Variants in SEMA5A observed in about 807,000 individuals in gnomAD.
The protein encoded by SEMA5A is semaphorin 5A.
Under a neutral mutation model 135.5 loss-of-function variants are expected in SEMA5A, and 55 were observed. The observed-to-expected ratio is 0.41, with a 90% CI of 0.33 to 0.51. SEMA5A has a LOEUF of 0.51. Among genes scored for constraint, SEMA5A ranks in the 20% least tolerant of loss-of-function variants. The pLI is 0.37. For missense variants in SEMA5A, 1,290 were observed against 1,419.9 expected, an observed-to-expected ratio of 0.91 and a Z score of 1.47; for synonymous variants, 580 against 546.5, an observed-to-expected ratio of 1.06 and a Z score of -0.85.
chr5:9,519,382 C>T (rs1021031598), intron 1 of SEMA5A, among the ~76,000 whole-genome samples: 2 of 152,212 alleles, frequency 1.3e-5, no homozygotes, highest in African/African-American at 4.8e-5. Context: ...ATGGCATCAA[C>T]AGCGAAGTAT....
At chr5:9,266,657 T>C (rs965061355) in intron 5 of SEMA5A, among the ~76,000 whole-genome samples, 2 of 152,224 alleles carry the variant, frequency 1.3e-5, no homozygotes, top group Non-Finnish European at 2.9e-5. Context: ...ATTATAACTA[T>C]TCTCTTTTGA....
At chr5:9,123,485 G>T (rs1482637167) in intron 13 of SEMA5A, among the ~76,000 whole-genome samples, 3 of 151,478 alleles carry the variant, frequency 2.0e-5, no homozygotes, top group Non-Finnish European at 4.4e-5. Flanking sequence ...GGAGAAGAAT[G>T]ATGGGAGGAG....
At position 9,298,359 on chromosome 5, in the gene SEMA5A, C is replaced by A. The variant is rs577162353; in HGVS notation, c.270+20013G>T. 8.5e-5 allele frequency among the ~76,000 whole-genome samples: 13 copies of A among 152,258 alleles called. No individual in the cohort carries two copies. In the East Asian group the frequency reaches 2.5e-3, roughly 29 times the overall value. ...AGCTAACGAGGTGAGGAAGAAGACTCCCCTAGAGCCTTAGGGAAGAATATG... is the reference window on the plus strand; with the variant it reads ...AGCTAACGAGGTGAGGAAGAAGACTACCCTAGAGCCTTAGGGAAGAATATG... On this transcript the variant is annotated intron_variant, in intron 5 of 22. Transcript: ENST00000382496.
At position 9,289,498 on chromosome 5, in the gene SEMA5A, T is replaced by C. The variant is rs192409528; in HGVS notation, c.270+28874A>G. ...GGCTGACACGGTGAAACCCCGTCTC[T>C]ACAAAAAATACAAAAAATTAGCCAG... On this transcript the variant is annotated intron_variant, in intron 5 of 22. Coordinates refer to ENST00000382496, the MANE Select transcript of SEMA5A (RefSeq NM_003966.3). Among the ~76,000 whole-genome samples the C allele has an allele frequency of 1.3e-4, 20 of 151,828 alleles. No homozygotes were observed. In the East Asian group the frequency reaches 3.9e-3, roughly 29 times the overall value.
intron 11 of SEMA5A, among the ~76,000 whole-genome samples, chr5:9,180,357 T>G (rs1238185830): frequency 6.6e-6 from 1 of 152,164 alleles, no homozygotes; most frequent in Non-Finnish European, 1.5e-5. Flanking sequence ...AAAAATTCAT[T>G]AAATGTTATC....
chr5:9,355,725 C>T (rs1050934146), intron 3 of SEMA5A, among the ~76,000 whole-genome samples: 8 of 152,026 alleles, frequency 5.3e-5, no homozygotes, highest in Non-Finnish European at 1.0e-4. Flanking sequence ...TCATTTAATA[C>T]GGTGCTAGAG....
At chr5:9,426,241 C>T (rs1344173473) in intron 2 of SEMA5A, among the ~76,000 whole-genome samples, 2 of 151,520 alleles carry the variant, frequency 1.3e-5, no homozygotes, top group African/African-American at 2.4e-5. Context: ...ATCAAGACCA[C>T]GGTGAAACCC....
chr5:9,165,972 A>G (rs1356930520), intron 11 of SEMA5A, among the ~76,000 whole-genome samples: 2 of 152,148 alleles, frequency 1.3e-5, no homozygotes, highest in Admixed American at 1.3e-4. Flanking sequence ...TTCAGAGAAG[A>G]AAAAAAGGTC....
Position 9,150,877 on chromosome 5 carries a change from G to T in SEMA5A, c.1481+3611C>A, listed in dbSNP as rs868755289. ...GGGTACTGACCAGCTCTGCCTCTCA[G>T]TTTCACACATGAAGAGTGCAATCCA... On this transcript the variant is annotated intron_variant, in intron 12 of 22. Coordinates refer to ENST00000382496, the MANE Select transcript of SEMA5A (RefSeq NM_003966.3). 5.3e-5 allele frequency among the ~76,000 whole-genome samples: 8 copies of T among 152,298 alleles called. No individual in the cohort carries two copies. The South Asian group carries it at 1.0e-3, about 20-fold the overall frequency.
intron 16 of SEMA5A, among the ~76,000 whole-genome samples, chr5:9,105,505 T>C (rs1739864384): frequency 1.3e-5 from 2 of 152,216 alleles, no homozygotes; most frequent in South Asian, 4.1e-4. Flanking sequence ...ATAAATGACA[T>C]TTCATTAGCT....
intron 3 of SEMA5A, among the ~76,000 whole-genome samples, chr5:9,356,283 T>A (rs1754442622): frequency 6.6e-6 from 1 of 152,124 alleles, no homozygotes; most frequent in Non-Finnish European, 1.5e-5. Flanking sequence ...CAACCCACGT[T>A]CCGTATATTA....
intron 2 of SEMA5A, among the ~76,000 whole-genome samples, chr5:9,389,919 A>G (rs1002998570): frequency 6.6e-6 from 1 of 152,140 alleles, no homozygotes; most frequent in Non-Finnish European, 1.5e-5. Context: ...GCTGTTAAAA[A>G]CTCAGTCTCC....
Position 9,119,030 on chromosome 5 carries a change from G to A in SEMA5A, c.1893C>T (p.Gly631=), listed in dbSNP as rs1330963651. 1 of 1,613,562 alleles carries A rather than the reference G, an allele frequency of 6.2e-7. No homozygotes were observed. Among genetic ancestry groups the A allele is most frequent in the Non-Finnish European group, 8.5e-7 (1 of 1,179,908 alleles). Residue 631 remains glycine (G), a synonymous_variant, in exon 15 of 23, where the codon GGC becomes GGT. Coordinates refer to ENST00000382496, the MANE Select transcript of SEMA5A (RefSeq NM_003966.3). ...SCSNPTPRHG[G]RVCVGQNREE... is the part of the protein sequence containing the mutation. Reference sequence around the variant, plus strand: ...CGCGGTTCTGTCCCACGCACACCCGGCCCCCGTGCCTGGGAGTGGGGTTGC... The same window carrying A: ...CGCGGTTCTGTCCCACGCACACCCGACCCCCGTGCCTGGGAGTGGGGTTGC...
At chr5:9,477,646 T>G (rs1386586158) in intron 1 of SEMA5A, among the ~76,000 whole-genome samples, 1 of 152,162 alleles carries the variant, frequency 6.6e-6, no homozygotes, top group Non-Finnish European at 1.5e-5. Context: ...TCGAGAGAGA[T>G]GATTTAGGGT....
At chr5:9,187,054 C>T (rs771687767) in intron 11 of SEMA5A, among the ~76,000 whole-genome samples, 37 of 151,956 alleles carry the variant, frequency 2.4e-4, no homozygotes, top group Non-Finnish European at 4.7e-4. Context: ...AATAAGAGAC[C>T]GGAAAAACAT....
chr5:9,206,548 T>G (rs932334553), intron 8 of SEMA5A, among the ~76,000 whole-genome samples: 3 of 152,124 alleles, frequency 2.0e-5, no homozygotes, highest in Non-Finnish European at 4.4e-5. Context: ...ATTCTTTCTA[T>G]TCCAATGCCT....
intron 14 of SEMA5A, among the ~76,000 whole-genome samples, chr5:9,120,608 G>T (rs1276222067): frequency 6.6e-6 from 1 of 151,964 alleles, no homozygotes; most frequent in African/African-American, 2.4e-5. Flanking sequence ...AATTATCCAT[G>T]TTATTCACTG....
At chr5:9,047,281 T>G (rs1167336111) in intron 21 of SEMA5A, among the ~76,000 whole-genome samples, 1 of 152,230 alleles carries the variant, frequency 6.6e-6, no homozygotes, top group African/African-American at 2.4e-5. Context: ...ATGCAGATAC[T>G]GTGTCATTAG....
At chr5:9,222,947 T>G (rs1747086704) in intron 8 of SEMA5A, among the ~76,000 whole-genome samples, 1 of 152,254 alleles carries the variant, frequency 6.6e-6, no homozygotes, top group Admixed American at 6.5e-5. Context: ...CTTTTTACTT[T>G]GCTTCTGGCA....
Sources: allele counts gnomAD v4.1 joint callset (sites outside exome capture counted in the v4.1 genomes callset), GRCh38; gene constraint gnomAD v4.1.1; transcripts MANE v1.5; gene names NCBI Gene and HGNC (gene_info 2026-07-23, HGNC 2026-07-21).